ITGB8: variants seen among roughly 807,000 people sequenced by gnomAD.
The protein encoded by ITGB8 is integrin beta-8.
ITGB8 carries 30 observed loss-of-function variants against 89.5 expected under a neutral mutation model. That is an observed-to-expected ratio of 0.34 (90% CI 0.25 to 0.45). The LOEUF (loss-of-function observed/expected upper bound fraction) is 0.45, where lower values mean the gene tolerates loss of function less well. Among genes scored for constraint, ITGB8 ranks in the 20% least tolerant of loss-of-function variants. ITGB8 has a pLI of 1.00. For synonymous variants in ITGB8, 335 were observed against 320.4 expected (o/e 1.05, Z -0.49); for missense variants, 836 against 933.3 (o/e 0.90, Z 1.36).
chr7:20,386,023 C>T (rs556661402), intron 6 of ITGB8, among the ~76,000 whole-genome samples: 2 of 152,218 alleles, frequency 1.3e-5, no homozygotes, highest in African/African-American at 4.8e-5. Flanking sequence ...AATGTTAAAT[C>T]TTTTTCTGCT....
At chr7:20,356,365 A>G (rs1785294441) in intron 1 of ITGB8, among the ~76,000 whole-genome samples, 1 of 152,174 alleles carries the variant, frequency 6.6e-6, no homozygotes, top group Non-Finnish European at 1.5e-5. Context: ...TAATCAAGTA[A>G]TGTATTTTAA....
chr7:20,371,581 T>C (rs560997242), intron 3 of ITGB8, among the ~76,000 whole-genome samples: 1 of 152,180 alleles, frequency 6.6e-6, no homozygotes, highest in African/African-American at 2.4e-5. Flanking sequence ...TACGAATAAA[T>C]GGAGAAGAAT....
chr7:20,346,989 A>G (rs773771057), intron 1 of ITGB8: 59 of 310,940 alleles, frequency 1.9e-4, no homozygotes, highest in Non-Finnish European at 2.8e-4. Context: ...TGACTAGGTC[A>G]TGAAGATAGG....
chr7:20,392,112 C>T (rs1362411946), intron 7 of ITGB8, among the ~76,000 whole-genome samples: 1 of 152,122 alleles, frequency 6.6e-6, no homozygotes, highest in Non-Finnish European at 1.5e-5. Flanking sequence ...CATGGACCCC[C>T]CAGCATAGAA....
At chr7:20,377,076 G>C (rs1201123535) in intron 3 of ITGB8, among the ~76,000 whole-genome samples, 2 of 152,120 alleles carry the variant, frequency 1.3e-5, no homozygotes. Flanking sequence ...CATTTGGTTG[G>C]AGGGCCCTGA....
chr7:20,387,982 A>G (rs371295208), intron 6 of ITGB8, among the ~76,000 whole-genome samples: 3 of 152,340 alleles, frequency 2.0e-5, no homozygotes, highest in East Asian at 3.9e-4. Flanking sequence ...AATATTCCAT[A>G]CTATAAATTC....
intron 12 of ITGB8, among the ~76,000 whole-genome samples, chr7:20,407,611 C>T (rs1787598770): frequency 6.6e-6 from 1 of 152,254 alleles, no homozygotes; most frequent in East Asian, 1.9e-4. Flanking sequence ...ACTGATCTTA[C>T]CCCATAATGA....
intron 1 of ITGB8, among the ~76,000 whole-genome samples, chr7:20,355,314 G>T (rs1399512808): frequency 6.6e-6 from 1 of 152,172 alleles, no homozygotes; most frequent in Non-Finnish European, 1.5e-5. Context: ...TTGCACCAAC[G>T]TATATGCTTG....
At chr7:20,340,850 A>G (rs1461142644) in intron 1 of ITGB8, among the ~76,000 whole-genome samples, 1 of 152,230 alleles carries the variant, frequency 6.6e-6, no homozygotes, top group Non-Finnish European at 1.5e-5. Context: ...GGTCAAACAA[A>G]GAAAATAATT....
intron 3 of ITGB8, among the ~76,000 whole-genome samples, chr7:20,369,987 G>A (rs1414863334): frequency 1.3e-5 from 2 of 151,072 alleles, no homozygotes; most frequent in African/African-American, 4.9e-5. Context: ...TATTATTAAA[G>A]AAAAATGAAT....
intron 6 of ITGB8, among the ~76,000 whole-genome samples, chr7:20,388,654 T>C (rs1303015301): frequency 6.6e-6 from 1 of 152,164 alleles, no homozygotes; most frequent in East Asian, 1.9e-4. Flanking sequence ...TTTTTTATTA[T>C]ACTTTAAGTT....
At chr7:20,366,406 A>G (rs1164031791) in intron 2 of ITGB8, 5 of 152,192 alleles carry the variant, frequency 3.3e-5, no homozygotes, top group Non-Finnish European at 5.9e-5. Flanking sequence ...GGTAGGAAAA[A>G]AAAAGTTTTC....
chr7:20,406,083 C>A lies in ITGB8; in HGVS notation c.1935C>A (p.His645Gln), dbSNP rs375280352. 4.4e-6 allele frequency: 7 copies of A among 1,608,918 alleles called. No individual in the cohort carries two copies. Among genetic ancestry groups the A allele is most frequent in the Non-Finnish European group, 6.0e-6 (7 of 1,175,336 alleles). The change falls in exon 12 of 14, where the codon CAC becomes CAA. Residue 645 changes from histidine (H) to glutamine (Q), a missense_variant. By Grantham distance (24) the His-to-Gln change is conservative. Transcript: ENST00000222573. ...KENWNCMQCL[H>Q]PHNLSQAILD... is the part of the protein sequence containing the mutation. ...GCAGGAATTGTATGCAATGCCTTCA[C>A]CCTCACAATTTGTCTCAGGCTATAC... is the stretch of plus-strand genomic sequence containing the variant.
chr7:20,407,926 A>G (rs2127987854), intron 12 of ITGB8, among the ~76,000 whole-genome samples: 1 of 152,280 alleles, frequency 6.6e-6, no homozygotes, highest in South Asian at 2.1e-4. Flanking sequence ...CCTATTAGAA[A>G]TATTTCTAAA....
At chr7:20,376,696 A>G (rs1055827695) in intron 3 of ITGB8, among the ~76,000 whole-genome samples, 16 of 152,172 alleles carry the variant, frequency 1.1e-4, no homozygotes, top group African/African-American at 3.6e-4. Flanking sequence ...ATTTGGGGTC[A>G]GCCTAGCTAG....
Position 20,331,861 on chromosome 7 carries a change from G to A in ITGB8, c.55G>A (p.Asp19Asn). 6.2e-7 allele frequency: 1 copy of A among 1,614,000 alleles called. No homozygotes were observed. Among genetic ancestry groups the A allele is most frequent in the Non-Finnish European group, 8.5e-7 (1 of 1,180,030 alleles). Residue 19 changes from aspartate to asparagine, a missense_variant, in exon 1 of 14, where the codon GAC (aspartate) becomes AAC (asparagine). Coordinates refer to ENST00000222573, the MANE Select transcript of ITGB8 (RefSeq NM_002214.3). ...CGCTGCATTTGTCTGCCTGCAAAAC[G>A]ACCGGCGAGGTCCCGCCTCGTTCCT... ...FTAAFVCLQN[D>N]RRGPASFLWA... is the part of the protein sequence containing the mutation.
At chr7:20,362,395 C>A (rs1785538737) in intron 1 of ITGB8, among the ~76,000 whole-genome samples, 1 of 152,170 alleles carries the variant, frequency 6.6e-6, no homozygotes, top group Non-Finnish European at 1.5e-5. Flanking sequence ...ATATGTAATA[C>A]ATTTTTTAAA....
intron 1 of ITGB8, among the ~76,000 whole-genome samples, chr7:20,338,830 G>A (rs955447081): frequency 6.6e-6 from 1 of 152,094 alleles, no homozygotes; most frequent in African/African-American, 2.4e-5. Flanking sequence ...TGCAAATCAT[G>A]TTACAATGAG....
In ITGB8 at chr7:20,408,556, G is replaced by A. The variant is rs529483478; in HGVS notation, c.2024-1059G>A. ...TGCTAAGCCTTGGCAGGTCACCTCC[G>A]TAGTGGCCCTCTCAGGGACACCTTG... On this transcript the variant is annotated intron_variant, in intron 12 of 13. Coordinates refer to ENST00000222573, the MANE Select transcript of ITGB8 (RefSeq NM_002214.3). 6.0e-4 allele frequency among the ~76,000 whole-genome samples: 92 copies of A among 152,224 alleles called. 2 individuals are homozygous for A. The highest frequency in any genetic ancestry group is 1.7e-4 in the African/African-American group (7 of 41,532).
Sources: gnomAD v4.1 joint callset for allele counts (sites outside exome capture counted in the v4.1 genomes callset) on GRCh38, gnomAD v4.1.1 for gene constraint, MANE v1.5 for transcripts, NCBI Gene and HGNC (gene_info 2026-07-23, HGNC 2026-07-21) for gene names.